The following SRM variants were observed in gnomAD, a reference collection of about 807,000 sequenced individuals.
SRM encodes putrescine aminopropyltransferase.
SRM carries 14 observed loss-of-function variants against 39.3 expected under a neutral mutation model. The ratio of observed to expected loss-of-function variants is 0.36; its 90% CI spans 0.24 to 0.56. The LOEUF (loss-of-function observed/expected upper bound fraction) is 0.56, where lower values mean the gene tolerates loss of function less well. Ranked by LOEUF, SRM falls within the 20% of genes least tolerant of loss-of-function variation. The probability of loss-of-function intolerance (pLI) is 0.86; values close to 1 mark genes in which losing one functional copy is unlikely to be tolerated. For missense variants in SRM, 244 were observed against 409.2 expected (o/e 0.60, Z 3.48); for synonymous variants, 195 against 173.1 (o/e 1.13, Z -0.99).
In SRM at chr1:11,059,948, G is replaced by A; in HGVS notation, c.-5C>T. 1 of 1,055,332 alleles carries A rather than the reference G, an allele frequency of 9.5e-7. No homozygotes were observed. 65.4% of individuals were successfully genotyped at this position (1,055,332 alleles called of 1,614,324 possible). A position where few individuals can be genotyped will look rare whatever the true frequency, so the allele number is the denominator to read the frequency against. ...GCCGTCGGGGCCGGGCTCCATGGCG[G>A]GCGGGCGGGCGGCGCGGGGCGCGGG... On this transcript the variant is annotated 5_prime_UTR_variant, in exon 1 of 8. Transcript: ENST00000376957.
intron 2 of SRM, 96 bp from the exon 3 acceptor site, chr1:11,058,988 T>G: frequency 7.6e-7 from 1 of 1,315,528 alleles, no homozygotes; most frequent in Non-Finnish European, 1.0e-6. Context: ...CCCACGGGCC[T>G]CATCTTTTTC....
At chr1:11,055,510 G>A (rs2100919965) in intron 6 of SRM, among the ~76,000 whole-genome samples, 1 of 152,010 alleles carries the variant, frequency 6.6e-6, no homozygotes, top group East Asian at 1.9e-4. Flanking sequence ...CGCCTCCCGG[G>A]TTCACGCCAT....
chr1:11,056,751 T>A lies in SRM; in HGVS notation c.388A>T (p.Ile130Phe). The change falls in exon 4 of 8, where the codon ATC (isoleucine) becomes TTC (phenylalanine). Residue 130 changes from isoleucine (I) to phenylalanine (F), a missense_variant. Physicochemically the swap from Ile to Phe is conservative, Grantham distance 21. Coordinates refer to ENST00000376957, the MANE Select transcript of SRM (RefSeq NM_003132.3). ...VVQCEIDEDV[I>F]QVSKKFLPGM... ...GGCAGGAACTTCTTGGAGACTTGGA[T>A]GACATCCTGGAGGGGATGGGAGGGA... 1 of 1,614,098 alleles carries A rather than the reference T, an allele frequency of 6.2e-7. No homozygotes were observed. Among genetic ancestry groups the A allele is most frequent in the Non-Finnish European group, 8.5e-7 (1 of 1,180,010 alleles).
chr1:11,054,593 C>CT lies in SRM; in HGVS notation c.*271dup, dbSNP rs1332592659. 1 of 498,026 alleles carries CT rather than the reference C, an allele frequency of 2.0e-6. No homozygotes were observed. Among genetic ancestry groups the CT allele is most frequent in the East Asian group, 3.3e-5 (1 of 30,094 alleles). The allele number at this position is 498,026 out of a possible 1,614,324, so 30.9% of individuals were successfully genotyped here. A position where few individuals can be genotyped will look rare whatever the true frequency, so the allele number is the denominator to read the frequency against. On this transcript the variant is annotated 3_prime_UTR_variant, in exon 8 of 8. Transcript: ENST00000376957. The surrounding 1 kb of genome is among the most constrained non-coding windows in gnomAD (Gnocchi z 4.8). The stretch of plus-strand genomic sequence containing the variant: ...AGGAGACACAGGACTCCAATCTTTG[C>CT]TATAAATACACGTGTTTGGTGAGTG...
At chr1:11,055,744 T>TGCCCCCCCCCCCC in intron 6 of SRM, 37 bp downstream of exon 6, 1 of 1,336,824 alleles carries the variant, frequency 7.5e-7, no homozygotes, top group East Asian at 2.7e-5. Flanking sequence ...ATGCCCACCT[T>TGCCCCCCCCCCCC]CCCCCCAACC....
intron 3 of SRM, 137 bp from the exon 4 acceptor site, chr1:11,056,894 T>C (rs1244756468): frequency 2.3e-6 from 2 of 851,102 alleles, no homozygotes; most frequent in Non-Finnish European, 3.6e-6. Flanking sequence ...TTATTTTTTT[T>C]TGAGACAGGG....
chr1:11,054,821 C>G lies in SRM; in HGVS notation c.*44G>C, dbSNP rs768531929. 1 of 1,565,728 alleles carries G rather than the reference C, an allele frequency of 6.4e-7. No individual in the cohort carries two copies. The highest frequency in any genetic ancestry group is 8.7e-7 in the Non-Finnish European group (1 of 1,154,410). ...GAGGGGCCGAGGCACCCCGCAGGCT[C>G]CAAGGTCCGAGGTCCTGGGTGGCAT... is the stretch of plus-strand genomic sequence containing the variant. On this transcript the variant is annotated 3_prime_UTR_variant, in exon 8 of 8. Coordinates refer to ENST00000376957, the MANE Select transcript of SRM (RefSeq NM_003132.3). This position sits in a 1 kb window ranked among gnomAD's most constrained non-coding sequence, Gnocchi z 4.8.
chr1:11,058,154 AC>A (rs1638912493), intron 3 of SRM, among the ~76,000 whole-genome samples: 1 of 152,084 alleles, frequency 6.6e-6, no homozygotes, highest in African/African-American at 2.4e-5. Flanking sequence ...CTGTCCCCAT[AC>A]CCGGGCAACA....
intron 4 of SRM, 79 bp from the exon 5 acceptor site, chr1:11,056,173 T>C (rs1475760769): frequency 7.4e-7 from 1 of 1,358,942 alleles, no homozygotes; most frequent in African/African-American, 1.5e-5. Flanking sequence ...AGCTACCAGG[T>C]GGCCAGAGCC....
intron 3 of SRM, 135 bp downstream of exon 3, chr1:11,058,665 A>T (rs1438881729): frequency 4.2e-6 from 3 of 714,180 alleles, no homozygotes; most frequent in Non-Finnish European, 6.7e-6. Flanking sequence ...TTCCTACTGA[A>T]CCCTCCCCGA....
chr1:11,059,659 G>A lies in SRM; in HGVS notation c.167+118C>T, dbSNP rs578171177. The A allele has an allele frequency of 1.1e-4, 133 of 1,238,396 alleles. No individual in the cohort carries two copies. The South Asian group carries it at 2.0e-3, about 18-fold the overall frequency. The allele number at this position is 1,238,396 out of a possible 1,614,324, so 76.7% of individuals were successfully genotyped here. A position where few individuals can be genotyped will look rare whatever the true frequency, so the allele number is the denominator to read the frequency against. On this transcript the variant is annotated intron_variant, in intron 1 of 7. Transcript: ENST00000376957. ...GAGGCGGTGTGAGGGGTGGCGAGGGGGCCAGGGCAGGACGAGGTCCAGCCC... is the reference window on the plus strand; with the variant it reads ...GAGGCGGTGTGAGGGGTGGCGAGGGAGCCAGGGCAGGACGAGGTCCAGCCC...
Position 11,058,903 on chromosome 1 carries a change from G to A in SRM, c.289-11C>T. The A allele has an allele frequency of 6.2e-7, 1 of 1,600,366 alleles. No homozygotes were observed. Among genetic ancestry groups the A allele is most frequent in the South Asian group, 1.1e-5 (1 of 88,612 alleles). On this transcript the variant is annotated splice_polypyrimidine_tract_variant and intron_variant, in intron 2 of 7. Coordinates refer to ENST00000376957, the MANE Select transcript of SRM (RefSeq NM_003132.3). ...CCCGATGATCAGCACCTGGGAGGAG[G>A]GGGCAGTCAAGGCAGGGGCCCTGGC...
chr1:11,056,100 G>T lies in SRM; in HGVS notation c.536-6C>A. ...GAAGAGACTTTCGGCGGGGCCTGGG[G>T]AAGACAGAGGGAGACACACTGAACA... On this transcript the variant is annotated splice_polypyrimidine_tract_variant and splice_region_variant and intron_variant, in intron 4 of 7. Coordinates refer to ENST00000376957, the MANE Select transcript of SRM (RefSeq NM_003132.3). The T allele has an allele frequency of 1.2e-6, 2 of 1,604,974 alleles. No homozygotes were observed. Among genetic ancestry groups the T allele is most frequent in the Non-Finnish European group, 1.7e-6 (2 of 1,175,344 alleles).
At chr1:11,057,942 C>T (rs1426378483) in intron 3 of SRM, among the ~76,000 whole-genome samples, 4 of 152,012 alleles carry the variant, frequency 2.6e-5, no homozygotes, top group Admixed American at 2.6e-4. Flanking sequence ...CCATGCCCGG[C>T]TAATTTTTGT....
At position 11,056,045 on chromosome 1, in the gene SRM, T is replaced by C. The variant is rs1293467447; in HGVS notation, c.585A>G (p.Thr195=). The C allele has an allele frequency of 1.2e-6, 2 of 1,612,716 alleles. No individual in the cohort carries two copies. Among genetic ancestry groups the C allele is most frequent in the East Asian group, 2.2e-5 (1 of 44,812 alleles). Residue 195 remains threonine (T), a synonymous_variant, in exon 5 of 8, where the codon ACA becomes ACG. Transcript: ENST00000376957. The stretch of plus-strand genomic sequence containing the variant: ...AGAGGACACCATCTTCCTTGAGGGC[T>C]GTCTTCATGAGCTGGTAATAGGACT... ...FKESYYQLMK[T]ALKEDGVLCC...
chr1:11,058,567 A>C, intron 3 of SRM: 1 of 393,096 alleles, frequency 2.5e-6, no homozygotes, highest in Non-Finnish European at 4.5e-6. Context: ...GTCTCAAAAA[A>C]AAAAAAAAAA....
Position 11,055,775 on chromosome 1 carries a change from T to C in SRM, c.765+6A>G. On this transcript the variant is annotated splice_donor_region_variant and intron_variant, in intron 6 of 7. Coordinates refer to ENST00000376957, the MANE Select transcript of SRM (RefSeq NM_003132.3). ...CAACCCCCACCCCCAGACACCCCCA[T>C]CTCACCGGGTTCTTGCTGCACAGCA... 1 of 681,674 alleles carries C rather than the reference T, an allele frequency of 1.5e-6. No individual in the cohort carries two copies. The highest frequency in any genetic ancestry group is 1.9e-5 in the African/African-American group (1 of 53,498). 42.2% of individuals were successfully genotyped at this position (681,674 alleles called of 1,614,324 possible). A position where few individuals can be genotyped will look rare whatever the true frequency, so the allele number is the denominator to read the frequency against.
intron 2 of SRM, 148 bp downstream of exon 2, chr1:11,059,077 C>G: frequency 1.0e-5 from 15 of 1,434,868 alleles, no homozygotes; most frequent in Non-Finnish European, 1.4e-5. Context: ...TCCGAGGCCG[C>G]GTCAGTGTCG....
At chr1:11,057,852 C>T (rs1638907364) in intron 3 of SRM, among the ~76,000 whole-genome samples, 1 of 152,050 alleles carries the variant, frequency 6.6e-6, no homozygotes, top group Admixed American at 6.5e-5. Flanking sequence ...GATCTCGGTT[C>T]ATTGCAACTT....
Sources: gnomAD v4.1 joint callset for allele counts (sites outside exome capture counted in the v4.1 genomes callset) on GRCh38, gnomAD v4.1.1 for gene constraint, Gnocchi (gnomAD v3.1) non-coding constraint, MANE v1.5 for transcripts, NCBI Gene and HGNC (gene_info 2026-07-23, HGNC 2026-07-21) for gene names.